The following TRPC5 variants were observed in gnomAD, a reference collection of about 807,000 sequenced individuals.
TRPC5 encodes transient receptor potential cation channel subfamily C member 5.
TRPC5 carries 9 observed loss-of-function variants against 56.5 expected under a neutral mutation model. The observed-to-expected ratio is 0.16, with a 90% CI of 0.10 to 0.28. The LOEUF is 0.28. TRPC5 is among the 10% of genes least tolerant of loss of function. TRPC5 has a pLI of 1.00. For missense variants in TRPC5, 469 were observed against 748.9 expected, an observed-to-expected ratio of 0.63 and a Z score of 4.36; for synonymous variants, 282 against 278.5, an observed-to-expected ratio of 1.01 and a Z score of -0.13.
rs1228045896 is a variant in TRPC5, at chrX:111,909,173, AC to A, written c.900+3117del. Among the ~76,000 whole-genome samples, 395 of 95,033 alleles carry A rather than the reference AC, an allele frequency of 4.2e-3. 1 individual carries two copies. Among genetic ancestry groups the A allele is most frequent in the African/African-American group, 0.015 (382 of 24,696 alleles). 82.5% of individuals were successfully genotyped at this position (95,033 alleles called of 115,157 possible). On this transcript the variant is annotated intron_variant, in intron 3 of 10. Coordinates refer to ENST00000262839, the MANE Select transcript of TRPC5 (RefSeq NM_012471.3). The stretch of plus-strand genomic sequence containing the variant: ...TAATTAAAAAAAAAAAAAAAAAAAA[AC>A]CAAAAATTTTCTGGGTGTGGTGGTG...
At chrX:112,068,047 ATAATAT>A (rs1296288221) in intron 1 of TRPC5, among the ~76,000 whole-genome samples, 1 of 112,508 alleles carries the variant, frequency 8.9e-6, no homozygotes, top group African/African-American at 3.2e-5. Flanking sequence ...GAAATTTGCC[ATAATAT>A]TGGAAGTCTG....
chrX:111,792,888 C>T (rs1000058023), intron 7 of TRPC5, among the ~76,000 whole-genome samples: 11 of 111,790 alleles, frequency 9.8e-5, no homozygotes, highest in Non-Finnish European at 1.9e-4. Flanking sequence ...ATGTTTGATA[C>T]CCAGATCATC....
At chrX:111,926,979 A>G (rs1435606479) in intron 2 of TRPC5, among the ~76,000 whole-genome samples, 5 of 112,392 alleles carry the variant, frequency 4.4e-5, no homozygotes, top group Non-Finnish European at 7.5e-5. Context: ...AAATGTAGGC[A>G]GTGGTCTAGG....
intron 7 of TRPC5, among the ~76,000 whole-genome samples, chrX:111,829,301 C>CAAAAAAAAAAA (rs34464345): frequency 4.5e-5 from 1 of 22,364 alleles, no homozygotes; most frequent in African/African-American, 1.1e-4. Context: ...GACTCTGTCT[C>CAAAAAAAAAAA]AAAAAAAAAA....
chrX:111,847,046 A>C, intron 6 of TRPC5, 68 bp downstream of exon 6: 6 of 1,104,948 alleles, frequency 5.4e-6, no homozygotes, highest in Non-Finnish European at 7.2e-6. Context: ...AAACAGGACA[A>C]AAATGGAGAA....
chrX:111,902,229 A>T (rs1258794422), intron 3 of TRPC5: 1 of 868,028 alleles, frequency 1.2e-6, no homozygotes, highest in South Asian at 2.9e-5. Context: ...AAAACTGATC[A>T]TTTCTCTGTT....
chrX:111,779,215 A>C, intron 9 of TRPC5, 141 bp from the exon 10 acceptor site: 2 of 392,919 alleles, frequency 5.1e-6, no homozygotes, highest in Middle Eastern at 1.4e-3. Flanking sequence ...TTATTGTAAA[A>C]ATGAGTTAAG....
intron 3 of TRPC5, among the ~76,000 whole-genome samples, chrX:111,893,354 C>G (rs1924903402): frequency 9.0e-6 from 1 of 111,427 alleles, no homozygotes; most frequent in Non-Finnish European, 1.9e-5. Context: ...CTCTAAGGGC[C>G]TGGGAGCCTC....
rs1945850072 is a variant in TRPC5 at position 111,772,670 on chromosome X, G to A, written c.*3643C>T. Among the ~76,000 whole-genome samples the A allele has an allele frequency of 9.0e-6, 1 of 111,011 alleles. No homozygotes were observed. Among genetic ancestry groups the A allele is most frequent in the African/African-American group, 3.3e-5 (1 of 30,537 alleles). ...TGATCTCAAACTCCTGGACTCAAGT[G>A]AACCACCCATTTTGGCCTCCCAAAG... On this transcript the variant is annotated 3_prime_UTR_variant, in exon 11 of 11. Transcript: ENST00000262839.
intron 2 of TRPC5, among the ~76,000 whole-genome samples, chrX:111,945,867 T>C (rs1487422788): frequency 9.0e-6 from 1 of 111,070 alleles, no homozygotes; most frequent in Admixed American, 9.6e-5. Flanking sequence ...TGAAAAAGAG[T>C]AGTTGTTTGA....
At chrX:111,836,517 G>T (rs772227761) in intron 6 of TRPC5, among the ~76,000 whole-genome samples, 16 of 111,770 alleles carry the variant, frequency 1.4e-4, no homozygotes, top group African/African-American at 4.9e-4. Flanking sequence ...TATCATCAAG[G>T]TCTCAGCTCA....
intron 1 of TRPC5, among the ~76,000 whole-genome samples, chrX:111,974,954 T>C (rs753601491): frequency 9.0e-6 from 1 of 111,323 alleles, no homozygotes; most frequent in South Asian, 3.8e-4. Context: ...AAGGAAAATA[T>C]CGGGAATGAG....
At chrX:112,052,094 A>G (rs773684722) in intron 1 of TRPC5, among the ~76,000 whole-genome samples, 4 of 112,091 alleles carry the variant, frequency 3.6e-5, no homozygotes, top group African/African-American at 1.3e-4. Flanking sequence ...TGGATGAACA[A>G]ATATCTCTTT....
intron 7 of TRPC5, among the ~76,000 whole-genome samples, chrX:111,816,108 A>G (rs1186233772): frequency 8.9e-6 from 1 of 111,806 alleles, no homozygotes; most frequent in South Asian, 3.8e-4. Flanking sequence ...GTGGTTATTT[A>G]GGCTTGGCAC....
chrX:112,019,922 C>T (rs1929229795), intron 1 of TRPC5, among the ~76,000 whole-genome samples: 1 of 112,268 alleles, frequency 8.9e-6, no homozygotes, highest in Non-Finnish European at 1.9e-5. Flanking sequence ...CTAACTTTCT[C>T]ATCTTCTCCA....
At chrX:111,819,605 G>A (rs1921970479) in intron 7 of TRPC5, among the ~76,000 whole-genome samples, 1 of 111,687 alleles carries the variant, frequency 9.0e-6, no homozygotes, top group Non-Finnish European at 1.9e-5. Context: ...TGAAGATAGA[G>A]GTATACCTTA....
At chrX:111,884,128 G>A (rs1243678690) in intron 3 of TRPC5, among the ~76,000 whole-genome samples, 1 of 112,546 alleles carries the variant, frequency 8.9e-6, no homozygotes, top group African/African-American at 3.2e-5. Context: ...TATAGCCAGG[G>A]CTTACATTTA....
chrX:111,970,521 T>C (rs1927749791), intron 1 of TRPC5, among the ~76,000 whole-genome samples: 1 of 111,483 alleles, frequency 9.0e-6, no homozygotes, highest in Non-Finnish European at 1.9e-5. Flanking sequence ...AAGGTCATGT[T>C]TCCTGCAAAG....
intron 7 of TRPC5, among the ~76,000 whole-genome samples, chrX:111,828,118 C>T (rs1314117464): frequency 8.9e-6 from 1 of 112,147 alleles, no homozygotes; most frequent in Non-Finnish European, 1.9e-5. Flanking sequence ...TCTTCTCCTG[C>T]ACACTGCCTG....
Sources: gnomAD v4.1 joint callset for allele counts (sites outside exome capture counted in the v4.1 genomes callset) on GRCh38, gnomAD v4.1.1 for gene constraint, MANE v1.5 for transcripts, NCBI Gene and HGNC (gene_info 2026-07-23, HGNC 2026-07-21) for gene names.